Variants in CHST5 observed in about 807,000 individuals in gnomAD.
The protein encoded by CHST5 is carbohydrate sulfotransferase 5.
For missense variants in CHST5, 637 were observed against 602.1 expected, an observed-to-expected ratio of 1.06 and a Z score of -0.61; for synonymous variants, 313 against 279.2, an observed-to-expected ratio of 1.12 and a Z score of -1.21.
Position 75,530,076 on chromosome 16 carries a change from C to T in CHST5, c.309G>A (p.Ser103=), listed in dbSNP as rs139328536. Residue 103 remains serine, a synonymous_variant, in exon 4 of 4, where the codon TCG becomes TCA. Transcript: ENST00000336257. The part of the protein sequence containing the change: ...EPAWHVWTTL[S]QGSAATLHMA... ...TGTGCAGCGTTGCCGCGCTGCCCTG[C>T]GACAGGGTGGTCCACACATGCCACG... 6.2e-7 allele frequency: 1 copy of T among 1,613,242 alleles called. No homozygotes were observed. The highest frequency in any genetic ancestry group is 1.3e-5 in the African/African-American group (1 of 74,946).
chr16:75,534,376 A>G (rs2080546427), intron 2 of CHST5, among the ~76,000 whole-genome samples: 1 of 151,590 alleles, frequency 6.6e-6, no homozygotes, highest in Non-Finnish European at 1.5e-5. Flanking sequence ...GCCCAGTGCC[A>G]TGGCTCACGC....
chr16:75,532,798 G>A (rs2080534514), intron 3 of CHST5, among the ~76,000 whole-genome samples: 1 of 152,268 alleles, frequency 6.6e-6, no homozygotes, highest in Non-Finnish European at 1.5e-5. Flanking sequence ...AGTGCTAGGT[G>A]CTTCGAGTCC....
rs1184873879 is a variant in CHST5 at position 75,531,618 on chromosome 16, A to G, written c.-1234T>C. 3 of 1,304,138 alleles carry G rather than the reference A, an allele frequency of 2.3e-6. No homozygotes were observed. The Admixed American group carries it at 6.9e-5, about 30-fold the overall frequency. 80.8% of individuals were successfully genotyped at this position (1,304,138 alleles called of 1,614,324 possible). On this transcript the variant is annotated 5_prime_UTR_variant, in exon 4 of 4. Coordinates refer to ENST00000336257, the MANE Select transcript of CHST5 (RefSeq NM_024533.5). ...GGGAGAGCTGCAACGCTGATCACAA[A>G]TCCATGGGAGATGTCTCGACATCTG...
At position 75,530,575 on chromosome 16, in the gene CHST5, T is replaced by C; in HGVS notation, c.-191A>G. ...AGTTGCAGAATAATGTGGGATATCA[T>C]CAAACTGTCTACCTACCCACCCACC... On this transcript the variant is annotated 5_prime_UTR_variant, in exon 4 of 4. An upstream start codon of the reference 5' UTR is lost. Transcript: ENST00000336257. The C allele has an allele frequency of 7.0e-7, 1 of 1,431,008 alleles. No individual in the cohort carries two copies. Among genetic ancestry groups the C allele is most frequent in the Non-Finnish European group, 9.2e-7 (1 of 1,090,952 alleles). The allele number at this position is 1,431,008 out of a possible 1,614,324, so 88.6% of individuals were successfully genotyped here.
chr16:75,529,033 C>G lies in CHST5; in HGVS notation c.*116G>C. 16 of 1,175,986 alleles carry G rather than the reference C, an allele frequency of 1.4e-5. No homozygotes were observed. The highest frequency in any genetic ancestry group is 1.9e-5 in the Non-Finnish European group (16 of 857,728). The allele number at this position is 1,175,986 out of a possible 1,614,324, so 72.8% of individuals were successfully genotyped here. ...GCCTACTTCAGGGGAGGACCCCAAA[C>G]TCCCGGTTGATAGTAGGGACCTGCT... On this transcript the variant is annotated 3_prime_UTR_variant, in exon 4 of 4. Transcript: ENST00000336257.
rs1161643826 is a variant in CHST5 at position 75,530,312 on chromosome 16, G to A, written c.73C>T (p.Pro25Ser). The A allele has an allele frequency of 8.1e-6, 13 of 1,607,454 alleles. No homozygotes were observed. Among genetic ancestry groups the A allele is most frequent in the Non-Finnish European group, 5.1e-6 (6 of 1,177,644 alleles). ...GTCACTGTCTTGCTGGAGAACCGTG[G>A]CAGCCACATGCGGGCGGCTGGGGGC... The part of the protein sequence containing the change: ...RRPPAARMWL[P>S]RFSSKTVTVL... The change falls in exon 4 of 4, where the codon CCA (proline) becomes TCA (serine). Residue 25 changes from proline to serine, a missense_variant. Coordinates refer to ENST00000336257, the MANE Select transcript of CHST5 (RefSeq NM_024533.5).
In CHST5 at chr16:75,530,219, G is replaced by C. The variant is rs756292230; in HGVS notation, c.166C>G (p.Pro56Ala). ...FIISRPGPSS[P>A]AGGEDRVHVL... ...TGCACACGATCCTCGCCGCCGGCTG[G>C]GGATGAGGGCCCTGGCCGGGAGATG... Residue 56 changes from proline to alanine, a missense_variant, in exon 4 of 4, where the codon CCA becomes GCA. Pro to Ala is a conservative substitution (Grantham distance 27). Transcript: ENST00000336257. 2 of 1,613,728 alleles carry C rather than the reference G, an allele frequency of 1.2e-6. No homozygotes were observed. The highest frequency in any genetic ancestry group is 1.7e-6 in the Non-Finnish European group (2 of 1,179,982).
intron 3 of CHST5, 131 bp from the exon 4 acceptor site, chr16:75,531,771 T>G: frequency 1.9e-6 from 1 of 527,498 alleles, no homozygotes; most frequent in Non-Finnish European, 3.2e-6. Context: ...GAGAGACCCT[T>G]TTGGGTTGTG....
At position 75,530,785 on chromosome 16, in the gene CHST5, G is replaced by C; in HGVS notation, c.-401C>G. 1.9e-6 allele frequency: 2 copies of C among 1,032,582 alleles called. No individual in the cohort carries two copies. Among genetic ancestry groups the C allele is most frequent in the Non-Finnish European group, 2.4e-6 (2 of 848,542 alleles). The allele number at this position is 1,032,582 out of a possible 1,614,324, so 64.0% of individuals were successfully genotyped here. A position where few individuals can be genotyped will look rare whatever the true frequency, so the allele number is the denominator to read the frequency against. On this transcript the variant is annotated 5_prime_UTR_variant, in exon 4 of 4. Transcript: ENST00000336257. ...CCAGGCTCGCCGAGGTTGAATCCTG[G>C]CTCTGCCACTTCCTAGCCTATGATC...
rs370791209 is a variant in CHST5, at chr16:75,531,320, C to CAAAAAAAAAAAA, written c.-948_-937dup. 2.7e-6 allele frequency: 2 copies of CAAAAAAAAAAAA among 743,314 alleles called. No individual in the cohort carries two copies. 46.0% of individuals were successfully genotyped at this position (743,314 alleles called of 1,614,324 possible). Reference sequence around the variant, plus strand: ...CTGAGTGAAGAGTGAGACTCCGTTTCAAAAAAAAAAAAAAAAACAACAAAA... The same window carrying CAAAAAAAAAAAA: ...CTGAGTGAAGAGTGAGACTCCGTTTCAAAAAAAAAAAAAAAAAAAAAAAAAAAAACAACAAAA... On this transcript the variant is annotated 5_prime_UTR_variant, in exon 4 of 4. Transcript: ENST00000336257.
chr16:75,535,705 G>A (rs1423628684), intron 1 of CHST5, among the ~76,000 whole-genome samples: 4 of 151,940 alleles, frequency 2.6e-5, no homozygotes, highest in African/African-American at 9.7e-5. Context: ...ACCCCCGACC[G>A]AGGGGCCATG....
At position 75,528,669 on chromosome 16, in the gene CHST5, T is replaced by G. The variant is rs2080482523; in HGVS notation, c.*480A>C. ...TCCAAGTGATTCTCCCACCTCAGCC[T>G]CCTAAGTAGCTGGGATTACAGGAGT... On this transcript the variant is annotated 3_prime_UTR_variant, in exon 4 of 4. Coordinates refer to ENST00000336257, the MANE Select transcript of CHST5 (RefSeq NM_024533.5). The G allele has an allele frequency of 6.4e-6, 1 of 155,256 alleles. No individual in the cohort carries two copies. 9.6% of individuals were successfully genotyped at this position (155,256 alleles called of 1,614,324 possible).
intron 3 of CHST5, among the ~76,000 whole-genome samples, chr16:75,532,407 T>C (rs544201589): frequency 1.3e-5 from 2 of 152,322 alleles, no homozygotes; most frequent in South Asian, 4.1e-4. Context: ...TGGGTGACTT[T>C]GGAAGGGAGG....
rs551096343 is a variant in CHST5, at chr16:75,530,700, C to G, written c.-316G>C. 2 of 1,141,260 alleles carry G rather than the reference C, an allele frequency of 1.8e-6. No homozygotes were observed. Among genetic ancestry groups the G allele is most frequent in the Admixed American group, 4.4e-5 (1 of 22,596 alleles). 70.7% of individuals were successfully genotyped at this position (1,141,260 alleles called of 1,614,324 possible). The stretch of plus-strand genomic sequence containing the variant: ...GCTTCAGGATACCTCTTAGAGAGAC[C>G]CTTTTAGGTTGTGGAGCTAAAAGGG... On this transcript the variant is annotated 5_prime_UTR_variant, in exon 4 of 4. Transcript: ENST00000336257.
chr16:75,533,030 C>T (rs2080536275), intron 3 of CHST5, 59 bp downstream of exon 3: 1 of 666,448 alleles, frequency 1.5e-6, no homozygotes, highest in African/African-American at 1.8e-5. Context: ...GTTGTCCTGG[C>T]CAGCCCAGCC....
At chr16:75,533,021 T>A in intron 3 of CHST5, 68 bp downstream of exon 3, 1 of 653,010 alleles carries the variant, frequency 1.5e-6, no homozygotes, top group Admixed American at 2.2e-5. Flanking sequence ...CCAAACACAG[T>A]TGTCCTGGCC....
At chr16:75,532,542 G>A (rs2550912) in intron 3 of CHST5, among the ~76,000 whole-genome samples, 9 of 151,872 alleles carry the variant, frequency 5.9e-5, no homozygotes, top group African/African-American at 1.9e-4. Flanking sequence ...CTGCTCCTTC[G>A]CCTCAATGCG....
chr16:75,529,670 T>A lies in CHST5; in HGVS notation c.715A>T (p.Ile239Leu). The A allele has an allele frequency of 6.2e-7, 1 of 1,610,382 alleles. No homozygotes were observed. The highest frequency in any genetic ancestry group is 8.5e-7 in the Non-Finnish European group (1 of 1,178,440). ...ACGATGCCGTTGTCGCGTGCCAGTA[T>A]CGGGCCCGCCGCCTCCCGGGAGCGC... ...VLRSREAAGP[I>L]LARDNGIVLG... is the part of the protein sequence containing the mutation. Residue 239 changes from isoleucine (I) to leucine (L), a missense_variant, in exon 4 of 4, where the codon ATA (isoleucine) becomes TTA (leucine). Ile to Leu is a conservative substitution (Grantham distance 5, BLOSUM62 2). Transcript: ENST00000336257.
intron 2 of CHST5, among the ~76,000 whole-genome samples, chr16:75,534,675 T>C (rs1051244015): frequency 6.6e-6 from 1 of 152,072 alleles, no homozygotes; most frequent in African/African-American, 2.4e-5. Context: ...CAAAAAAACA[T>C]TTCCTAGGCA....
Sources: allele counts gnomAD v4.1 joint callset (sites outside exome capture counted in the v4.1 genomes callset), GRCh38; gene constraint gnomAD v4.1.1; transcripts MANE v1.5; gene names NCBI Gene and HGNC (gene_info 2026-07-23, HGNC 2026-07-21).